RBFOX1: variants seen among roughly 807,000 people sequenced by gnomAD.
The protein encoded by RBFOX1 is RNA binding fox-1 homolog 1.
A neutral mutation model predicts 57.7 loss-of-function variants in RBFOX1; 8 were observed. That is an observed-to-expected ratio of 0.14 (90% confidence interval 0.08 to 0.25). The LOEUF is 0.25. Ranked by LOEUF, RBFOX1 falls within the 10% of genes least tolerant of loss-of-function variation. RBFOX1 has a pLI of 1.00. For synonymous variants in RBFOX1, 326 were observed against 222.4 expected (o/e 1.47, Z -4.15); for missense variants, 611 against 548.5 (o/e 1.11, Z -1.14).
chr16:7,367,263 G>A (rs1301262142), intron 4 of RBFOX1, among the ~76,000 whole-genome samples: 1 of 152,148 alleles, frequency 6.6e-6, no homozygotes, highest in Non-Finnish European at 1.5e-5. Context: ...GCATTTGAGA[G>A]TTGCTGTTTT....
intron 4 of RBFOX1, among the ~76,000 whole-genome samples, chr16:7,148,915 C>T (rs1206791197): frequency 1.3e-5 from 2 of 152,142 alleles, no homozygotes; most frequent in East Asian, 1.9e-4. Flanking sequence ...TTTGCATGTG[C>T]CTAAAATCAG....
At chr16:6,671,403 G>C (rs943185463) in intron 3 of RBFOX1, among the ~76,000 whole-genome samples, 5 of 152,152 alleles carry the variant, frequency 3.3e-5, no homozygotes, top group African/African-American at 4.8e-5. Flanking sequence ...AATTTGCATG[G>C]AAAAGAGAAA....
intron 3 of RBFOX1, among the ~76,000 whole-genome samples, chr16:5,657,820 C>T (rs1296178758): frequency 6.8e-6 from 1 of 148,024 alleles, no homozygotes; most frequent in Non-Finnish European, 1.5e-5. Context: ...GTAACCTTCA[C>T]CTCCCAGTTC....
chr16:7,238,646 CTTTTA>C (rs2093899524), intron 4 of RBFOX1, among the ~76,000 whole-genome samples: 2 of 152,030 alleles, frequency 1.3e-5, no homozygotes, highest in African/African-American at 2.4e-5. Flanking sequence ...TTTTTTGTAA[CTTTTA>C]TTTTATCTTC....
chr16:7,264,452 C>T (rs1265918654), intron 4 of RBFOX1, among the ~76,000 whole-genome samples: 1 of 152,172 alleles, frequency 6.6e-6, no homozygotes, highest in Non-Finnish European at 1.5e-5. Flanking sequence ...CTCAAACTCA[C>T]AAAGCTAAGT....
intron 4 of RBFOX1, among the ~76,000 whole-genome samples, chr16:5,903,507 C>A (rs2058362111): frequency 6.6e-6 from 1 of 152,092 alleles, no homozygotes; most frequent in Non-Finnish European, 1.5e-5. Flanking sequence ...AACTTAAGCT[C>A]ATTTGGACAG....
intron 4 of RBFOX1, among the ~76,000 whole-genome samples, chr16:7,214,096 A>G (rs1483219463): frequency 2.7e-5 from 4 of 149,878 alleles, no homozygotes; most frequent in Non-Finnish European, 4.5e-5. Context: ...AAATTTTTCC[A>G]CTTCTTTCCC....
At chr16:6,438,047 G>T (rs369073565) in intron 2 of RBFOX1, among the ~76,000 whole-genome samples, 1 of 152,120 alleles carries the variant, frequency 6.6e-6, no homozygotes, top group South Asian at 2.1e-4. Flanking sequence ...TCCCAATGCC[G>T]TTCACCCTGG....
At chr16:7,570,478 A>G (rs1361842198) in intron 5 of RBFOX1, among the ~76,000 whole-genome samples, 3 of 152,164 alleles carry the variant, frequency 2.0e-5, no homozygotes, top group Admixed American at 1.3e-4. Flanking sequence ...CCGAAACTGG[A>G]TGAGTAAGGA....
At chr16:6,256,788 C>T (rs2097670492) in intron 1 of RBFOX1, among the ~76,000 whole-genome samples, 1 of 152,032 alleles carries the variant, frequency 6.6e-6, no homozygotes, top group African/African-American at 2.4e-5. Context: ...GACTAATGTT[C>T]CCTGGGAAGA....
chr16:7,682,497 C>A (rs945287891), intron 14 of RBFOX1, among the ~76,000 whole-genome samples: 10 of 149,494 alleles, frequency 6.7e-5, no homozygotes, highest in African/African-American at 2.5e-4. Context: ...AAAGTCATAT[C>A]TCTGTGCCAT....
chr16:7,043,888 T>G (rs2153711973), intron 3 of RBFOX1, among the ~76,000 whole-genome samples: 1 of 152,302 alleles, frequency 6.6e-6, no homozygotes, highest in South Asian at 2.1e-4. Context: ...TGAATATATT[T>G]TTTTCATTCT....
chr16:6,574,536 C>G (rs1050950721), intron 2 of RBFOX1, among the ~76,000 whole-genome samples: 4 of 145,284 alleles, frequency 2.8e-5, no homozygotes, highest in African/African-American at 1.0e-4. Flanking sequence ...TCACGCCATT[C>G]TCCTGCCTCA....
At chr16:5,582,450 C>T (rs934053725) in intron 2 of RBFOX1, among the ~76,000 whole-genome samples, 2 of 151,322 alleles carry the variant, frequency 1.3e-5, no homozygotes, top group South Asian at 2.1e-4. Flanking sequence ...CCCCTGTTAA[C>T]GATGAGGAAA....
chr16:7,165,696 TG>T (rs1488364319), intron 4 of RBFOX1, among the ~76,000 whole-genome samples: 3 of 151,850 alleles, frequency 2.0e-5, no homozygotes, highest in African/African-American at 4.8e-5. Context: ...TCCAAAGTGT[TG>T]GGATTACAAG....
At position 6,972,007 on chromosome 16, in the gene RBFOX1, A is replaced by T. The variant is rs899524155; in HGVS notation, c.-15-80050A>T. On this transcript the variant is annotated intron_variant, in intron 3 of 15. Coordinates refer to ENST00000550418, the MANE Select transcript of RBFOX1 (RefSeq NM_018723.4). ...ATCCCTGCACGCAAGTTTTACTGTG[A>T]AGTGATATAGAAAGAAGAGGGGAAC... Among the ~76,000 whole-genome samples, 60 of 152,170 alleles carry T rather than the reference A, an allele frequency of 3.9e-4. 1 individual carries two copies. The highest frequency in any genetic ancestry group is 4.8e-5 in the African/African-American group (2 of 41,438).
intron 4 of RBFOX1, among the ~76,000 whole-genome samples, chr16:7,397,696 T>C (rs1393893571): frequency 6.6e-6 from 1 of 152,192 alleles, no homozygotes; most frequent in Admixed American, 6.5e-5. Context: ...AGGAAGACTG[T>C]CCTCGCCCTC....
intron 3 of RBFOX1, among the ~76,000 whole-genome samples, chr16:6,768,451 T>C (rs574594489): frequency 4.6e-5 from 7 of 151,622 alleles, no homozygotes; most frequent in East Asian, 1.9e-4. Flanking sequence ...AGAGGGAAAA[T>C]TCCCCCCCAG....
At chr16:5,287,923 A>G (rs2063438113) in intron 1 of RBFOX1, among the ~76,000 whole-genome samples, 1 of 152,140 alleles carries the variant, frequency 6.6e-6, no homozygotes, top group African/African-American at 2.4e-5. Context: ...ATCATCCGCA[A>G]CCCTCTAACC....
Sources: gnomAD v4.1 joint callset for allele counts (sites outside exome capture counted in the v4.1 genomes callset) on GRCh38, gnomAD v4.1.1 for gene constraint, MANE v1.5 for transcripts, NCBI Gene and HGNC (gene_info 2026-07-23, HGNC 2026-07-21) for gene names.